The following BAIAP2L2 variants were observed in gnomAD, a reference collection of about 807,000 sequenced individuals.
The protein encoded by BAIAP2L2 is BAR/IMD domain-containing adapter protein 2-like 2.
Under a neutral mutation model 60.4 loss-of-function variants are expected in BAIAP2L2, and 65 were observed. The observed-to-expected ratio is 1.08, with a 90% CI of 0.88 to 1.32. BAIAP2L2 has a LOEUF of 1.32. BAIAP2L2 is among the 40% of genes most tolerant of loss of function. The pLI, the probability that BAIAP2L2 is intolerant of heterozygous loss-of-function variation, is 0.00. For synonymous variants in BAIAP2L2, 344 were observed against 301.7 expected, an observed-to-expected ratio of 1.14 and a Z score of -1.45; for missense variants, 836 against 741.2, an observed-to-expected ratio of 1.13 and a Z score of -1.48.
chr22:38,088,234 C>A (rs531229164), intron 10 of BAIAP2L2, among the ~76,000 whole-genome samples: 1 of 152,218 alleles, frequency 6.6e-6, no homozygotes, highest in Non-Finnish European at 1.5e-5. Context: ...TGCTGTCCTC[C>A]GCACTTTCTG....
rs151240223 is a variant in BAIAP2L2, at chr22:38,105,488, C to T, written c.276+2364G>A. Among the ~76,000 whole-genome samples, 901 of 151,972 alleles carry T rather than the reference C, an allele frequency of 5.9e-3. 2 individuals are homozygous for T. The highest frequency in any genetic ancestry group is 0.013 in the African/African-American group (543 of 41,468). On this transcript the variant is annotated intron_variant, in intron 4 of 13. Coordinates refer to ENST00000381669, the MANE Select transcript of BAIAP2L2 (RefSeq NM_025045.6). ...CCGAGTAGCTGGGATTACAGGCGCC[C>T]GCCACCACATGCGCGGCTAATTTTT... is the stretch of plus-strand genomic sequence containing the variant.
chr22:38,086,440 T>G lies in BAIAP2L2; in HGVS notation c.1269A>C (p.Pro423=), dbSNP rs1601981682. 3 of 1,497,644 alleles carry G rather than the reference T, an allele frequency of 2.0e-6. No individual in the cohort carries two copies. Among genetic ancestry groups the G allele is most frequent in the South Asian group, 1.3e-5 (1 of 76,124 alleles). The allele number at this position is 1,497,644 out of a possible 1,614,324, so 92.8% of individuals were successfully genotyped here. ...PGNELPSRSY[P]LRGSHSLDDL... is the part of the protein sequence containing the mutation. ...CATCGAGGCTGTGGCTGCCCCGGAG[T>G]GGGTAGGACCTAAGTCCAGAGAAAG... The change falls in exon 12 of 14, where the codon CCA becomes CCC. Residue 423 remains proline (P), a synonymous_variant. Transcript: ENST00000381669.
At chr22:38,085,537 T>C (rs896725842) in intron 13 of BAIAP2L2, 149 bp downstream of exon 13, 1 of 1,253,988 alleles carries the variant, frequency 8.0e-7, no homozygotes, top group Non-Finnish European at 1.2e-6. Flanking sequence ...TTTTAAGAGA[T>C]AGGGTCTCAC....
chr22:38,099,400 G>T (rs1437823157), intron 4 of BAIAP2L2, among the ~76,000 whole-genome samples: 1 of 152,128 alleles, frequency 6.6e-6, no homozygotes, highest in Non-Finnish European at 1.5e-5. Flanking sequence ...CAGGCATGGT[G>T]GTGCGTGCCT....
chr22:38,095,951 T>C (rs2086417774), intron 7 of BAIAP2L2, among the ~76,000 whole-genome samples: 1 of 152,160 alleles, frequency 6.6e-6, no homozygotes, highest in Non-Finnish European at 1.5e-5. Context: ...TAAATACAGT[T>C]AGCTCAAGTT....
chr22:38,106,256 C>T (rs908306636), intron 4 of BAIAP2L2, among the ~76,000 whole-genome samples: 4 of 152,128 alleles, frequency 2.6e-5, no homozygotes, highest in East Asian at 1.9e-4. Context: ...CGGTGGCTCA[C>T]GGCTGTAATC....
chr22:38,107,278 C>T (rs1045411377), intron 4 of BAIAP2L2, among the ~76,000 whole-genome samples: 1 of 152,044 alleles, frequency 6.6e-6, no homozygotes, highest in Admixed American at 6.6e-5. Flanking sequence ...CCCAACTGGA[C>T]GGCAGGGGGA....
chr22:38,097,140 G>C lies in BAIAP2L2; in HGVS notation c.504C>G (p.Phe168Leu). 6.2e-7 allele frequency: 1 copy of C among 1,613,928 alleles called. No homozygotes were observed. Among genetic ancestry groups the C allele is most frequent in the Non-Finnish European group, 8.5e-7 (1 of 1,180,030 alleles). ...VNRLHAQMQA[F>L]VSESQRAAEL... ...CAGCCGCCCGCTGACTCTCAGACACGAAGGCCTGCATCTGTGCGTGCAGCC... is the reference window on the plus strand; with the variant it reads ...CAGCCGCCCGCTGACTCTCAGACACCAAGGCCTGCATCTGTGCGTGCAGCC... The change falls in exon 7 of 14, where the codon TTC (phenylalanine) becomes TTG (leucine). Residue 168 changes from phenylalanine to leucine, a missense_variant. Transcript: ENST00000381669.
chr22:38,101,546 CAAAAAAAAA>C (rs71195082), intron 4 of BAIAP2L2, among the ~76,000 whole-genome samples: 1 of 30,922 alleles, frequency 3.2e-5, no homozygotes, highest in Non-Finnish European at 5.2e-5. Context: ...GATCCTGTCT[CAAAAAAAAA>C]AAAAAAAAAA....
intron 4 of BAIAP2L2, among the ~76,000 whole-genome samples, chr22:38,104,988 T>G (rs188811590): frequency 6.6e-6 from 1 of 152,252 alleles, no homozygotes; most frequent in Admixed American, 6.5e-5. Flanking sequence ...TTCTGCATGG[T>G]AGTTTCAGGT....
chr22:38,096,034 A>G (rs901539101), intron 7 of BAIAP2L2, among the ~76,000 whole-genome samples: 1 of 152,244 alleles, frequency 6.6e-6, no homozygotes, highest in East Asian at 1.9e-4. Context: ...CTTTTCTATT[A>G]GAAGACACAG....
intron 6 of BAIAP2L2, 46 bp downstream of exon 6, chr22:38,098,016 TG>T: frequency 2.5e-6 from 2 of 789,058 alleles, no homozygotes; most frequent in Admixed American, 2.1e-5. Flanking sequence ...CCCCGAGGTC[TG>T]CCCACCCGCC....
At chr22:38,103,839 G>A (rs115277634) in intron 4 of BAIAP2L2, among the ~76,000 whole-genome samples, 2,979 of 149,288 alleles carry the variant, frequency 0.02, 100 homozygotes, top group African/African-American at 0.069. Context: ...CTCCAGCCTC[G>A]GTGACAGGGT....
intron 4 of BAIAP2L2, among the ~76,000 whole-genome samples, chr22:38,102,908 T>C (rs1260146803): frequency 1.3e-5 from 2 of 150,814 alleles, no homozygotes; most frequent in Admixed American, 1.3e-4. Context: ...TAGCCCGGCA[T>C]GGTGGCAGGC....
chr22:38,097,745 T>C (rs891219020), intron 6 of BAIAP2L2, among the ~76,000 whole-genome samples: 1 of 149,442 alleles, frequency 6.7e-6, no homozygotes, highest in African/African-American at 2.5e-5. Context: ...ATGACACCTT[T>C]GGCACCATGT....
chr22:38,097,847 G>A (rs1937432903), intron 6 of BAIAP2L2, among the ~76,000 whole-genome samples: 1 of 152,174 alleles, frequency 6.6e-6, no homozygotes, highest in Admixed American at 6.5e-5. Context: ...AGGCCAGTAA[G>A]CCACAGGGCA....
At chr22:38,086,137 G>A in intron 12 of BAIAP2L2, 105 bp downstream of exon 12, 1 of 1,268,938 alleles carries the variant, frequency 7.9e-7, no homozygotes. Flanking sequence ...GTGAGGCCAG[G>A]TAGGCGGGTC....
At chr22:38,110,126 A>G (rs763245929) in intron 1 of BAIAP2L2, among the ~76,000 whole-genome samples, 4 of 88,540 alleles carry the variant, frequency 4.5e-5, no homozygotes, top group African/African-American at 1.1e-4. Context: ...AGAGGGAGAG[A>G]GAGAGAGAGA....
Position 38,088,768 on chromosome 22 carries a change from G to A in BAIAP2L2, c.1098C>T (p.Gly366=). ...CTCACGCGGACGAGCCCTCCAGCTT[G>A]CCGTAGAGCCAGCCGTTCTGGGCCT... The part of the protein sequence containing the change: ...VPEAQNGWLY[G]KLEGSSASGW... Residue 366 remains glycine (G), a synonymous_variant, in exon 10 of 14, where the codon GGC becomes GGT. Coordinates refer to ENST00000381669, the MANE Select transcript of BAIAP2L2 (RefSeq NM_025045.6). The A allele has an allele frequency of 6.3e-7, 1 of 1,599,440 alleles. No individual in the cohort carries two copies. The highest frequency in any genetic ancestry group is 8.5e-7 in the Non-Finnish European group (1 of 1,179,080).
Sources: allele counts gnomAD v4.1 joint callset (sites outside exome capture counted in the v4.1 genomes callset), GRCh38; gene constraint gnomAD v4.1.1; transcripts MANE v1.5; gene names NCBI Gene and HGNC (gene_info 2026-07-23, HGNC 2026-07-21).